The following FLT4 variants were observed in gnomAD, a reference collection of about 807,000 sequenced individuals.
FLT4 encodes the protein fms related receptor tyrosine kinase 4, also known as vascular endothelial growth factor receptor 3.
A neutral mutation model predicts 163.2 loss-of-function variants in FLT4; 30 were observed. That is an observed-to-expected ratio of 0.18 (90% CI 0.14 to 0.25). The LOEUF is 0.25. FLT4 is among the 10% of genes least tolerant of loss of function. FLT4 has a pLI of 1.00. For synonymous variants in FLT4, 884 were observed against 789.5 expected, an observed-to-expected ratio of 1.12 and a Z score of -2.01; for missense variants, 1,510 against 1,863.8, an observed-to-expected ratio of 0.81 and a Z score of 3.50.
intron 28 of FLT4, 120 bp from the exon 29 acceptor site, chr5:180,609,173 T>A (rs1418052982): frequency 2.5e-6 from 2 of 798,576 alleles, no homozygotes; most frequent in Non-Finnish European, 2.2e-6. Context: ...CACCTGTCCC[T>A]GGGAAGCTGA....
chr5:180,646,536 CA>C (rs1235581403), intron 1 of FLT4, among the ~76,000 whole-genome samples: 2 of 152,182 alleles, frequency 1.3e-5, no homozygotes, highest in Admixed American at 6.5e-5. Context: ...CTGCAGACCC[CA>C]CCAGGAAGCC....
At position 180,627,785 on chromosome 5, in the gene FLT4, G is replaced by A. The variant is rs553505888; in HGVS notation, c.1103+1097C>T. Among the ~76,000 whole-genome samples, 12 of 152,304 alleles carry A rather than the reference G, an allele frequency of 7.9e-5. No homozygotes were observed. The South Asian group carries it at 1.0e-3, about 13-fold the overall frequency. Reference sequence around the variant, plus strand: ...CAGTAATGGTGGCCTTGGAGGGCAGGGGACAGGGCCCAGGGGTCTCCAGGA... The same window carrying A: ...CAGTAATGGTGGCCTTGGAGGGCAGAGGACAGGGCCCAGGGGTCTCCAGGA... On this transcript the variant is annotated intron_variant, in intron 8 of 29. Coordinates refer to ENST00000261937, the MANE Select transcript of FLT4 (RefSeq NM_182925.5).
At chr5:180,647,150 C>G (rs1765528394) in intron 1 of FLT4, among the ~76,000 whole-genome samples, 1 of 152,224 alleles carries the variant, frequency 6.6e-6, no homozygotes, top group Admixed American at 6.5e-5. Context: ...GCAGACCCTG[C>G]TCCTGCATGT....
At chr5:180,633,045 C>T (rs902545724) in intron 1 of FLT4, among the ~76,000 whole-genome samples, 3 of 152,078 alleles carry the variant, frequency 2.0e-5, no homozygotes, top group Admixed American at 1.3e-4. Context: ...AGTAGTCTAG[C>T]TCCCTGAGGC....
At chr5:180,613,216 G>A in intron 24 of FLT4, 106 bp from the exon 25 acceptor site, 1 of 752,416 alleles carries the variant, frequency 1.3e-6, no homozygotes, top group Non-Finnish European at 2.2e-6. Flanking sequence ...ACCCCGTCCT[G>A]TCCCTTTCCC....
intron 2 of FLT4, 116 bp downstream of exon 2, chr5:180,631,566 C>T: frequency 1.2e-6 from 1 of 833,456 alleles, no homozygotes; most frequent in Non-Finnish European, 2.0e-6. Context: ...GGCCCCGAGG[C>T]CACTCTGCCC....
Position 180,613,037 on chromosome 5 carries a change from C to T in FLT4, c.3405G>A (p.Arg1135=). 1 of 1,613,484 alleles carries T rather than the reference C, an allele frequency of 6.2e-7. No homozygotes were observed. The change falls in exon 25 of 30, where the codon AGG becomes AGA. Residue 1135 remains arginine, a synonymous_variant. Coordinates refer to ENST00000261937, the MANE Select transcript of FLT4 (RefSeq NM_182925.5). ...TGGCGGGAGTGGCCAGCTCCGGGGC[C>T]CTCATCCTTGTGCCGTCTCTCAGCC... ...CQRLRDGTRM[R]APELATPAIR... is the part of the protein sequence containing the mutation.
chr5:180,621,070 T>A, intron 14 of FLT4, 36 bp downstream of exon 14: 2 of 1,612,618 alleles, frequency 1.2e-6, no homozygotes, highest in Non-Finnish European at 1.7e-6. Context: ...CTCGCGGGCC[T>A]CCGGACCTGC....
rs773276031 is a variant in FLT4 at position 180,629,085 on chromosome 5, G to A, written c.986-86C>T. ...CTCCCCCCACGGCCCCTGCAGCCCC[G>A]GCAGCCGGACATCCGCAGACTGGGG... On this transcript the variant is annotated intron_variant, in intron 7 of 29. Coordinates refer to ENST00000261937, the MANE Select transcript of FLT4 (RefSeq NM_182925.5). 6.0e-5 allele frequency: 88 copies of A among 1,459,740 alleles called. No homozygotes were observed. In the Admixed American group the frequency reaches 1.1e-3, roughly 19 times the overall value. 90.4% of individuals were successfully genotyped at this position (1,459,740 alleles called of 1,614,324 possible).
In FLT4 at chr5:180,623,799, A is replaced by C; in HGVS notation, c.1548+136T>G. On this transcript the variant is annotated intron_variant, in intron 11 of 29. Coordinates refer to ENST00000261937, the MANE Select transcript of FLT4 (RefSeq NM_182925.5). The surrounding 1 kb of genome is among the most constrained non-coding windows in gnomAD (Gnocchi z 5.8). ...CAGGCAGGGTGGCCGAGGCCTACAG[A>C]CTGCAGGAAGGTCACCCGCTCTCGG... 9.1e-7 allele frequency: 1 copy of C among 1,093,698 alleles called. No homozygotes were observed. Among genetic ancestry groups the C allele is most frequent in the Non-Finnish European group, 1.4e-6 (1 of 720,614 alleles). 67.7% of individuals were successfully genotyped at this position (1,093,698 alleles called of 1,614,324 possible).
chr5:180,647,624 G>A (rs1473712564), intron 1 of FLT4, among the ~76,000 whole-genome samples: 1 of 151,606 alleles, frequency 6.6e-6, no homozygotes, highest in Non-Finnish European at 1.5e-5. Flanking sequence ...GAGGGCTTGT[G>A]CTTCCGCCAT....
chr5:180,614,726 C>T (rs1762503677), intron 23 of FLT4, among the ~76,000 whole-genome samples: 1 of 151,868 alleles, frequency 6.6e-6, no homozygotes, highest in African/African-American at 2.4e-5. Context: ...CACCCCAGCA[C>T]CCCCACTCCC....
intron 29 of FLT4, among the ~76,000 whole-genome samples, chr5:180,608,740 G>C (rs1482171398): frequency 6.6e-6 from 1 of 152,186 alleles, no homozygotes; most frequent in Admixed American, 6.5e-5. Context: ...AGATGACAGG[G>C]AGGTGTCGGG....
chr5:180,646,611 C>A (rs893118351), intron 1 of FLT4, among the ~76,000 whole-genome samples: 6 of 152,202 alleles, frequency 3.9e-5, no homozygotes, highest in Non-Finnish European at 8.8e-5. Context: ...CTCACCAGGG[C>A]CCCTGAACAC....
intron 1 of FLT4, among the ~76,000 whole-genome samples, chr5:180,644,970 T>G (rs1765407777): frequency 6.6e-6 from 1 of 152,156 alleles, no homozygotes; most frequent in Non-Finnish European, 1.5e-5. Flanking sequence ...CCCAGCAGTC[T>G]CCCAAAGGGC....
At chr5:180,622,931 C>CT (rs1039394975) in intron 11 of FLT4, 92 bp from the exon 12 acceptor site, 5 of 792,832 alleles carry the variant, frequency 6.3e-6, no homozygotes, top group South Asian at 2.9e-5. Context: ...GTGCACCACC[C>CT]CCCCCAATCA....
rs555800918 is a variant in FLT4 at position 180,613,954 on chromosome 5, C to T, written c.3331+114G>A. On this transcript the variant is annotated intron_variant, in intron 24 of 29. Coordinates refer to ENST00000261937, the MANE Select transcript of FLT4 (RefSeq NM_182925.5). ...GGCCCACAAACCACCTGCTTCAGAA[C>T]GACCTGGCACACACCTCCAGGTGCC... 529 of 793,712 alleles carry T rather than the reference C, an allele frequency of 6.7e-4. 4 individuals are homozygous for T. In the South Asian group the frequency reaches 6.8e-3, roughly 10 times the overall value. The allele number at this position is 793,712 out of a possible 1,614,324, so 49.2% of individuals were successfully genotyped here.
At chr5:180,627,979 G>C (rs1247060897) in intron 8 of FLT4, among the ~76,000 whole-genome samples, 1 of 152,142 alleles carries the variant, frequency 6.6e-6, no homozygotes, top group Non-Finnish European at 1.5e-5. Context: ...TCCCAGGAGA[G>C]ACGAGCCCCC....
chr5:180,622,695 G>A (rs777995554), intron 12 of FLT4, 36 bp downstream of exon 12: 1 of 1,356,574 alleles, frequency 7.4e-7, no homozygotes, highest in Non-Finnish European at 1.1e-6. Context: ...TCCTGACCCT[G>A]TACCCAGGCC....
Sources: allele counts gnomAD v4.1 joint callset (sites outside exome capture counted in the v4.1 genomes callset), GRCh38; gene constraint gnomAD v4.1.1; non-coding constraint Gnocchi (gnomAD v3.1); transcripts MANE v1.5; gene names NCBI Gene and HGNC (gene_info 2026-07-23, HGNC 2026-07-21).